The following TCAIM variants were observed in gnomAD, a reference collection of about 807,000 sequenced individuals.
TCAIM encodes T-cell activation inhibitor, mitochondrial.
Under a neutral mutation model 58.6 loss-of-function variants are expected in TCAIM, and 36 were observed. The observed-to-expected ratio is 0.61, with a 90% CI of 0.47 to 0.81. The LOEUF (loss-of-function observed/expected upper bound fraction) is 0.81. TCAIM is among the 30% of genes least tolerant of loss of function. The probability of loss-of-function intolerance (pLI) is 0.00; values close to 1 mark genes in which losing one functional copy is unlikely to be tolerated. For synonymous variants in TCAIM, 172 were observed against 193.6 expected, an observed-to-expected ratio of 0.89 and a Z score of 0.93; for missense variants, 466 against 579.6, an observed-to-expected ratio of 0.80 and a Z score of 2.01.
intron 5 of TCAIM, among the ~76,000 whole-genome samples, 160 bp from the exon 6 acceptor site, chr3:44,392,695 A>T (rs540712372): frequency 1.9e-3 from 285 of 152,318 alleles, no homozygotes; most frequent in Admixed American, 2.9e-3. Context: ...TATGGTATAT[A>T]TGTACCACAT....
At chr3:44,391,848 A>G (rs1701840740) in intron 5 of TCAIM, among the ~76,000 whole-genome samples, 1 of 152,220 alleles carries the variant, frequency 6.6e-6, no homozygotes, top group Non-Finnish European at 1.5e-5. Context: ...CCACAAAGTA[A>G]TCTTTTCCTA....
intron 5 of TCAIM, among the ~76,000 whole-genome samples, chr3:44,368,912 A>G (rs2125638429): frequency 6.6e-6 from 1 of 152,246 alleles, no homozygotes; most frequent in Non-Finnish European, 1.5e-5. Flanking sequence ...AGTTCTAGCT[A>G]CTTGGAAGGC....
At chr3:44,373,419 A>G (rs1405845756) in intron 5 of TCAIM, among the ~76,000 whole-genome samples, 1 of 152,010 alleles carries the variant, frequency 6.6e-6, no homozygotes, top group Non-Finnish European at 1.5e-5. Flanking sequence ...TAATCTCGGC[A>G]CTTTGGGAAG....
chr3:44,366,255 C>T (rs1186880183), intron 4 of TCAIM, among the ~76,000 whole-genome samples: 1 of 151,802 alleles, frequency 6.6e-6, no homozygotes, highest in East Asian at 1.9e-4. Flanking sequence ...GATTACTTAC[C>T]TTAGCCCAAT....
At chr3:44,405,566 G>C (rs943347142) in intron 10 of TCAIM, among the ~76,000 whole-genome samples, 12 of 152,098 alleles carry the variant, frequency 7.9e-5, no homozygotes, top group African/African-American at 2.7e-4. Flanking sequence ...TCAGCTACTT[G>C]GGAAGCTGAG....
intron 6 of TCAIM, 63 bp downstream of exon 6, chr3:44,393,040 C>T: frequency 6.9e-7 from 1 of 1,445,280 alleles, no homozygotes; most frequent in South Asian, 1.2e-5. Context: ...AACTGATAAG[C>T]TTTTCAGCAG....
chr3:44,343,114 G>A (rs1700888768), intron 1 of TCAIM, among the ~76,000 whole-genome samples: 1 of 151,832 alleles, frequency 6.6e-6, no homozygotes. Flanking sequence ...TATAGCGCAG[G>A]TGACAGAGCG....
intron 3 of TCAIM, among the ~76,000 whole-genome samples, chr3:44,361,044 TAAAC>T (rs1233561499): frequency 6.6e-6 from 1 of 152,236 alleles, no homozygotes; most frequent in Non-Finnish European, 1.5e-5. Flanking sequence ...TAGAATAAAT[TAAAC>T]AAACAATCAT....
At chr3:44,397,512 C>T (rs901825228) in intron 8 of TCAIM, among the ~76,000 whole-genome samples, 2 of 151,946 alleles carry the variant, frequency 1.3e-5, no homozygotes, top group Non-Finnish European at 2.9e-5. Context: ...ATAAATATAC[C>T]ACAGTTTGTT....
intron 3 of TCAIM, chr3:44,358,472 A>T: frequency 1.8e-6 from 1 of 545,778 alleles, no homozygotes; most frequent in East Asian, 3.4e-5. Context: ...AAAAAAATAC[A>T]TCTGTACTAC....
At chr3:44,357,387 T>C (rs370189519) in intron 2 of TCAIM, among the ~76,000 whole-genome samples, 5 of 36,686 alleles carry the variant, frequency 1.4e-4, no homozygotes, top group African/African-American at 3.0e-4. Context: ...GACAGATATA[T>C]ATAGAAAGAG....
chr3:44,407,552 A>G lies in TCAIM; in HGVS notation c.1361A>G (p.Lys454Arg), dbSNP rs754407947. The G allele has an allele frequency of 1.9e-6, 3 of 1,613,856 alleles. No homozygotes were observed. Among genetic ancestry groups the G allele is most frequent in the African/African-American group, 1.3e-5 (1 of 74,936 alleles). ...AGTATACAAATGGTGGATTGTTGTA[A>G]GAGACTTCTAGAACAATCACTGCCT... ...ISSIQMVDCCKRLLEQSLPYL... is the reference protein window; with the variant it reads ...ISSIQMVDCCRRLLEQSLPYL... Residue 454 changes from lysine (K) to arginine (R), a missense_variant, in exon 11 of 11, where the codon AAG (lysine) becomes AGG (arginine). By Grantham distance (26) the Lys-to-Arg change is conservative. Coordinates refer to ENST00000342649, the MANE Select transcript of TCAIM (RefSeq NM_173826.4).
At chr3:44,404,031 T>G (rs1288140792) in intron 10 of TCAIM, among the ~76,000 whole-genome samples, 2 of 152,168 alleles carry the variant, frequency 1.3e-5, no homozygotes, top group Non-Finnish European at 2.9e-5. Flanking sequence ...CCTGGGACTC[T>G]CCTCTCACTC....
chr3:44,387,210 CGTG>C (rs1300511049), intron 5 of TCAIM, among the ~76,000 whole-genome samples: 1 of 152,158 alleles, frequency 6.6e-6, no homozygotes, highest in African/African-American at 2.4e-5. Context: ...GCTGGACACT[CGTG>C]GGGACAACCT....
intron 3 of TCAIM, 75 bp downstream of exon 3, chr3:44,357,951 A>T: frequency 6.6e-7 from 1 of 1,514,038 alleles, no homozygotes; most frequent in Non-Finnish European, 8.9e-7. Context: ...TAATACATAG[A>T]GTTCTATAAA....
chr3:44,385,406 T>C (rs1400928215), intron 5 of TCAIM, among the ~76,000 whole-genome samples: 2 of 152,062 alleles, frequency 1.3e-5, no homozygotes, highest in Admixed American at 6.5e-5. Context: ...TAAAGAAAAA[T>C]ACAGGGACTG....
rs1191289304 is a variant in TCAIM at position 44,392,888 on chromosome 3, T to TA, written c.611dup (p.Leu205AlafsTer8). 8 of 1,613,492 alleles carry TA rather than the reference T, an allele frequency of 5.0e-6. No individual in the cohort carries two copies. The highest frequency in any genetic ancestry group is 6.8e-6 in the Non-Finnish European group (8 of 1,179,614). On this transcript the variant is annotated frameshift_variant, in exon 6 of 11. Transcript: ENST00000342649. LOFTEE classifies it high-confidence loss of function. ...TAGATAACAATGGGAAAAGTGCTGTTAAAAAGCTAAAGAACAGTTTGCCAC... is the reference window on the plus strand; with the variant it reads ...TAGATAACAATGGGAAAAGTGCTGTTAAAAAAGCTAAAGAACAGTTTGCCAC...
At chr3:44,362,489 C>A (rs1352467031) in intron 4 of TCAIM, 1 of 400,710 alleles carries the variant, frequency 2.5e-6, no homozygotes, top group Non-Finnish European at 4.4e-6. Context: ...ACTCCTCACC[C>A]AGTCTCTCCA....
intron 5 of TCAIM, among the ~76,000 whole-genome samples, chr3:44,390,174 A>G (rs1701811826): frequency 6.6e-6 from 1 of 152,260 alleles, no homozygotes; most frequent in Non-Finnish European, 1.5e-5. Flanking sequence ...AATGTCAGGC[A>G]TTCAATATAA....
Sources: gnomAD v4.1 joint callset for allele counts (sites outside exome capture counted in the v4.1 genomes callset) on GRCh38, gnomAD v4.1.1 for gene constraint, MANE v1.5 for transcripts, NCBI Gene and HGNC (gene_info 2026-07-23, HGNC 2026-07-21) for gene names.